The following COL16A1 variants were observed in gnomAD, a reference collection of about 807,000 sequenced individuals.
COL16A1 encodes the protein collagen alpha-1(XVI) chain.
Under a neutral mutation model 266.3 loss-of-function variants are expected in COL16A1, and 189 were observed. That is an observed-to-expected ratio of 0.71 (90% CI 0.63 to 0.80). The LOEUF is 0.80. Ranked by LOEUF, COL16A1 falls within the 30% of genes least tolerant of loss-of-function variation. The probability of loss-of-function intolerance (pLI) is 0.00; values close to 1 mark genes in which losing one functional copy is unlikely to be tolerated. For synonymous variants in COL16A1, 740 were observed against 782.3 expected, an observed-to-expected ratio of 0.95 and a Z score of 0.90; for missense variants, 1,928 against 2,122.4, an observed-to-expected ratio of 0.91 and a Z score of 1.80.
At chr1:31,674,918 G>A (rs972856788) in intron 44 of COL16A1, 89 bp downstream of exon 44, 18 of 1,556,858 alleles carry the variant, frequency 1.2e-5, no homozygotes, top group East Asian at 4.6e-5. Flanking sequence ...CTCTCTCTGC[G>A]AGGTGCCACA....
chr1:31,671,994 G>T (rs948283153), intron 47 of COL16A1, among the ~76,000 whole-genome samples: 1 of 152,216 alleles, frequency 6.6e-6, no homozygotes, highest in African/African-American at 2.4e-5. Flanking sequence ...CACATAGTTG[G>T]TGTTGAGCTG....
intron 42 of COL16A1, chr1:31,679,319 G>A (rs1380274461): frequency 1.6e-6 from 2 of 1,256,792 alleles, no homozygotes; most frequent in East Asian, 2.6e-5. Flanking sequence ...ATGAATGAGT[G>A]TTGAATGCTA....
chr1:31,685,597 T>G lies in COL16A1; in HGVS notation c.2016+42A>C. On this transcript the variant is annotated intron_variant, in intron 29 of 70. Coordinates refer to ENST00000373672, the MANE Select transcript of COL16A1 (RefSeq NM_001856.4). The surrounding 1 kb of genome is among the most constrained non-coding windows in gnomAD (Gnocchi z 4.0). The stretch of plus-strand genomic sequence containing the variant: ...CCCCTCCCCTCTCCTTAGCCCCGCC[T>G]GCATCCCCCGTCCAGAGGCCCCTGC... 1.4e-6 allele frequency: 2 copies of G among 1,406,956 alleles called. No homozygotes were observed. Among genetic ancestry groups the G allele is most frequent in the South Asian group, 2.4e-5 (2 of 84,356 alleles). 87.2% of individuals were successfully genotyped at this position (1,406,956 alleles called of 1,614,324 possible).
At chr1:31,672,165 G>A (rs995202028) in intron 47 of COL16A1, among the ~76,000 whole-genome samples, 11 of 152,178 alleles carry the variant, frequency 7.2e-5, no homozygotes, top group African/African-American at 2.4e-4. Flanking sequence ...CATTTGAGCC[G>A]AGCTGAAGGA....
At chr1:31,660,727 A>G in intron 61 of COL16A1, 89 bp from the exon 62 acceptor site, 2 of 1,564,512 alleles carry the variant, frequency 1.3e-6, no homozygotes, top group South Asian at 1.1e-5. Flanking sequence ...TGGGCAGAAT[A>G]CATGGTAATG....
intron 44 of COL16A1, 116 bp downstream of exon 44, chr1:31,674,891 T>C (rs1643047153): frequency 6.7e-7 from 1 of 1,488,032 alleles, no homozygotes; most frequent in South Asian, 1.3e-5. Flanking sequence ...GGAATGCGTA[T>C]TCCCTGCAAA....
chr1:31,684,369 T>C, intron 31 of COL16A1, 138 bp from the exon 32 acceptor site: 1 of 1,463,196 alleles, frequency 6.8e-7, no homozygotes, highest in Non-Finnish European at 9.0e-7. Context: ...CCCCTGACAC[T>C]CCTAGCAGAG....
chr1:31,659,029 G>A, intron 62 of COL16A1, 65 bp from the exon 63 acceptor site: 1 of 1,435,586 alleles, frequency 7.0e-7, no homozygotes, highest in East Asian at 2.5e-5. Context: ...GGAGGCACAG[G>A]GCCTGACAGC....
chr1:31,683,177 T>A lies in COL16A1; in HGVS notation c.2469+17A>T. 1.9e-6 allele frequency: 3 copies of A among 1,614,042 alleles called. No individual in the cohort carries two copies. Among genetic ancestry groups the A allele is most frequent in the Non-Finnish European group, 2.5e-6 (3 of 1,179,984 alleles). ...TGGAATACTGCAGGCCCAATACCCATGGAGGCAGAGGCTCACCTGGGCACC... is the reference window on the plus strand; with the variant it reads ...TGGAATACTGCAGGCCCAATACCCAAGGAGGCAGAGGCTCACCTGGGCACC... On this transcript the variant is annotated intron_variant, in intron 36 of 70. Transcript: ENST00000373672.
intron 27 of COL16A1, 25 bp downstream of exon 27, chr1:31,686,219 C>T (rs1187863432): frequency 1.9e-6 from 3 of 1,614,222 alleles, no homozygotes; most frequent in Non-Finnish European, 2.5e-6. Context: ...CTCTCCCAAG[C>T]TGTTGCCATC....
At chr1:31,693,034 C>T in intron 13 of COL16A1, 58 bp downstream of exon 13, 3 of 1,200,024 alleles carry the variant, frequency 2.5e-6, no homozygotes, top group East Asian at 2.4e-5. Context: ...TCACATCCCA[C>T]CTCACCCCAG....
At chr1:31,662,226 G>T in intron 58 of COL16A1, 108 bp downstream of exon 58, 2 of 1,544,724 alleles carry the variant, frequency 1.3e-6, no homozygotes, top group South Asian at 1.2e-5. Flanking sequence ...GGTGCCCCCT[G>T]ACAAAGACGG....
intron 60 of COL16A1, 34 bp from the exon 61 acceptor site, chr1:31,661,153 A>G (rs749018423): frequency 1.2e-5 from 18 of 1,553,760 alleles, no homozygotes; most frequent in Non-Finnish European, 8.7e-7. Flanking sequence ...AGCTTACCAG[A>G]CCTTCACTTG....
chr1:31,684,021 G>C lies in COL16A1; in HGVS notation c.2284-18C>G. 1 of 1,614,170 alleles carries C rather than the reference G, an allele frequency of 6.2e-7. No homozygotes were observed. Among genetic ancestry groups the C allele is most frequent in the African/African-American group, 1.3e-5 (1 of 75,062 alleles). Reference sequence around the variant, plus strand: ...GGTTGGCCCTAAAAGGCATAAGGTGGCCCATGGAGTCCCCACAGGAGAAAG... The same window carrying C: ...GGTTGGCCCTAAAAGGCATAAGGTGCCCCATGGAGTCCCCACAGGAGAAAG... On this transcript the variant is annotated intron_variant, in intron 32 of 70. Coordinates refer to ENST00000373672, the MANE Select transcript of COL16A1 (RefSeq NM_001856.4).
intron 11 of COL16A1, 107 bp downstream of exon 11, chr1:31,695,079 G>T: frequency 8.5e-7 from 1 of 1,174,574 alleles, no homozygotes; most frequent in Non-Finnish European, 1.2e-6. Flanking sequence ...GTGTGAAAGT[G>T]TACAAAGACC....
intron 34 of COL16A1, 29 bp downstream of exon 34, chr1:31,683,678 G>A (rs1433711278): frequency 3.1e-6 from 5 of 1,613,964 alleles, no homozygotes; most frequent in African/African-American, 1.3e-5. Flanking sequence ...GTGCTGAGAG[G>A]ACAGGCAAAG....
At chr1:31,686,388 C>T (rs967107323) in intron 26 of COL16A1, 109 bp from the exon 27 acceptor site, 3 of 1,433,260 alleles carry the variant, frequency 2.1e-6, no homozygotes, top group Non-Finnish European at 2.9e-6. Flanking sequence ...CCAGACTACC[C>T]TCTCATGTCC....
chr1:31,655,121 T>G (rs1641005109), intron 67 of COL16A1, among the ~76,000 whole-genome samples, 193 bp downstream of exon 67: 2 of 151,972 alleles, frequency 1.3e-5, no homozygotes, highest in African/African-American at 2.4e-5. Context: ...CAAAACATTT[T>G]GTTCTTAAGT....
intron 62 of COL16A1, chr1:31,659,566 A>G (rs1395729334): frequency 1.3e-5 from 2 of 155,476 alleles, no homozygotes; most frequent in African/African-American, 4.8e-5. Flanking sequence ...TGTGGTGCAA[A>G]AGATCACCTC....
Sources: gnomAD v4.1 joint callset for allele counts (sites outside exome capture counted in the v4.1 genomes callset) on GRCh38, gnomAD v4.1.1 for gene constraint, Gnocchi (gnomAD v3.1) non-coding constraint, MANE v1.5 for transcripts, NCBI Gene and HGNC (gene_info 2026-07-23, HGNC 2026-07-21) for gene names.